PPP4R2: variants seen among roughly 807,000 people sequenced by gnomAD.
The protein encoded by PPP4R2 is protein phosphatase 4 regulatory subunit 2.
Under a neutral mutation model 47.2 loss-of-function variants are expected in PPP4R2, and 13 were observed. That is an observed-to-expected ratio of 0.28 (90% CI 0.18 to 0.44). PPP4R2 has a LOEUF of 0.44. Among genes scored for constraint, PPP4R2 ranks in the 20% least tolerant of loss-of-function variants. The pLI, the probability that PPP4R2 is intolerant of heterozygous loss-of-function variation, is 1.00. For missense variants in PPP4R2, 421 were observed against 491.2 expected (o/e 0.86, Z 1.35); for synonymous variants, 151 against 163.3 (o/e 0.92, Z 0.57).
In PPP4R2 at chr3:73,047,168, T is replaced by A; in HGVS notation, c.117-18T>A. 6.9e-7 allele frequency: 1 copy of A among 1,442,388 alleles called. No individual in the cohort carries two copies. The highest frequency in any genetic ancestry group is 9.4e-7 in the Non-Finnish European group (1 of 1,064,100). The allele number at this position is 1,442,388 out of a possible 1,614,324, so 89.3% of individuals were successfully genotyped here. A position where few individuals can be genotyped will look rare whatever the true frequency, so the allele number is the denominator to read the frequency against. On this transcript the variant is annotated intron_variant, in intron 2 of 8. Transcript: ENST00000356692. ...GAAGCTACATGGTATTATATATTTT[T>A]TAATTTTTTGCTTATAGGATTCAGT...
intron 2 of PPP4R2, among the ~76,000 whole-genome samples, chr3:73,009,202 A>C (rs1325102604): frequency 2.6e-5 from 4 of 152,200 alleles, no homozygotes; most frequent in Non-Finnish European, 5.9e-5. Context: ...TCTGTGCTGC[A>C]GCACTGTTTG....
At chr3:73,018,465 A>ATGTTATGTTATGTTATGTTT (rs1295553516) in intron 2 of PPP4R2, among the ~76,000 whole-genome samples, 1 of 88,856 alleles carries the variant, frequency 1.1e-5, no homozygotes, top group Non-Finnish European at 2.7e-5. Context: ...ATGTTATGTT[A>ATGTTATGTTATGTTATGTTT]GTATCCGAAA....
intron 2 of PPP4R2, among the ~76,000 whole-genome samples, chr3:73,030,250 A>T (rs1296921263): frequency 1.3e-5 from 2 of 152,190 alleles, no homozygotes; most frequent in Non-Finnish European, 2.9e-5. Context: ...TCAAATGGCA[A>T]ATGTGGTATA....
intron 2 of PPP4R2, among the ~76,000 whole-genome samples, chr3:73,023,094 A>G (rs948350355): frequency 2.0e-5 from 3 of 152,138 alleles, no homozygotes; most frequent in Non-Finnish European, 4.4e-5. Context: ...ACTGTTTAAG[A>G]GATTTTGCCT....
rs577152897 is a variant in PPP4R2, at chr3:73,039,827, G to A, written c.117-7359G>A. Among the ~76,000 whole-genome samples, 17 of 152,240 alleles carry A rather than the reference G, an allele frequency of 1.1e-4. 2 individuals are homozygous for A. The South Asian group carries it at 2.3e-3, about 20-fold the overall frequency. On this transcript the variant is annotated intron_variant, in intron 2 of 8. Coordinates refer to ENST00000356692, the MANE Select transcript of PPP4R2 (RefSeq NM_174907.4). Reference sequence around the variant, plus strand: ...CAGCACTTTGGGAGGCCAAGGCGGCGAATCACCTGAAGTGTCAGGAGTTTG... The same window carrying A: ...CAGCACTTTGGGAGGCCAAGGCGGCAAATCACCTGAAGTGTCAGGAGTTTG...
At chr3:73,007,272 CT>C (rs933676277) in intron 2 of PPP4R2, among the ~76,000 whole-genome samples, 21 of 151,832 alleles carry the variant, frequency 1.4e-4, no homozygotes, top group East Asian at 3.8e-4. Context: ...TTTGATTCTG[CT>C]TTTTTTTCCC....
At chr3:73,047,159 A>T (rs902014315) in intron 2 of PPP4R2, 27 bp from the exon 3 acceptor site, 2 of 1,302,194 alleles carry the variant, frequency 1.5e-6, no homozygotes, top group Admixed American at 4.6e-5. Flanking sequence ...ACATGGTATT[A>T]TATATTTTTT....
intron 2 of PPP4R2, among the ~76,000 whole-genome samples, chr3:73,000,257 G>C (rs1399895792): frequency 1.3e-5 from 2 of 152,170 alleles, no homozygotes; most frequent in Non-Finnish European, 2.9e-5. Flanking sequence ...TTGTTGGAAT[G>C]TGGGAGGTTG....
chr3:73,002,719 A>G (rs557977715), intron 2 of PPP4R2, among the ~76,000 whole-genome samples: 109 of 137,780 alleles, frequency 7.9e-4, no homozygotes, highest in Non-Finnish European at 1.3e-3. Context: ...TCGGCTCGCT[A>G]CAACCTCTGC....
chr3:73,023,277 C>A (rs545994188), intron 2 of PPP4R2, among the ~76,000 whole-genome samples: 1 of 131,782 alleles, frequency 7.6e-6, no homozygotes, highest in South Asian at 2.8e-4. Flanking sequence ...GCAACCTCTG[C>A]CTCCTGGGTT....
intron 2 of PPP4R2, among the ~76,000 whole-genome samples, chr3:73,030,506 CTG>C (rs1338646188): frequency 6.6e-6 from 1 of 151,968 alleles, no homozygotes; most frequent in African/African-American, 2.4e-5. Flanking sequence ...GGGATAATGT[CTG>C]GTAGCATTTG....
At chr3:73,050,204 A>ATC (rs1702582576) in intron 3 of PPP4R2, among the ~76,000 whole-genome samples, 1 of 152,090 alleles carries the variant, frequency 6.6e-6, no homozygotes, top group Non-Finnish European at 1.5e-5. Context: ...ACCTCAAGTA[A>ATC]TCTACCTGCC....
rs542295909 is a variant in PPP4R2, at chr3:73,034,541, TG to T, written c.117-12644del. On this transcript the variant is annotated intron_variant, in intron 2 of 8. Transcript: ENST00000356692. ...ATGAGACTGCAGCAAGCTATAGTTTTGTTTTGTTTTTTAGAGACTGTTCCTC... is the reference window on the plus strand; with the variant it reads ...ATGAGACTGCAGCAAGCTATAGTTTTTTTTGTTTTTTAGAGACTGTTCCTC... 3.4e-4 allele frequency among the ~76,000 whole-genome samples: 52 copies of T among 152,302 alleles called. 1 individual carries two copies. The South Asian group carries it at 5.2e-3, about 15-fold the overall frequency.
chr3:73,038,196 A>G (rs1420606066), intron 2 of PPP4R2, among the ~76,000 whole-genome samples: 3 of 152,124 alleles, frequency 2.0e-5, no homozygotes, highest in African/African-American at 7.2e-5. Flanking sequence ...TTCAGGGAGG[A>G]AGGTAGATCC....
intron 5 of PPP4R2, 71 bp from the exon 6 acceptor site, chr3:73,063,601 CT>C: frequency 1.2e-6 from 1 of 853,680 alleles, no homozygotes; most frequent in Admixed American, 1.9e-5. Flanking sequence ...TCCATTCCAC[CT>C]TGGGTGACAG....
chr3:73,050,351 T>G (rs1465198483), intron 3 of PPP4R2, among the ~76,000 whole-genome samples: 1 of 152,214 alleles, frequency 6.6e-6, no homozygotes, highest in Non-Finnish European at 1.5e-5. Flanking sequence ...TAATCAGTGA[T>G]ACATCAAGAT....
Position 72,998,059 on chromosome 3 carries a change from T to G in PPP4R2, c.35-18T>G. On this transcript the variant is annotated intron_variant, in intron 1 of 8. Transcript: ENST00000356692. The stretch of plus-strand genomic sequence containing the variant: ...TTTTGAGAAAACTGATAACGTTTTT[T>G]TTTCTTCCTTCATCTAGATTTTGAG... 3.8e-6 allele frequency: 6 copies of G among 1,581,314 alleles called. No homozygotes were observed. Among genetic ancestry groups the G allele is most frequent in the Non-Finnish European group, 5.2e-6 (6 of 1,155,318 alleles).
chr3:73,061,847 A>G (rs1215147077), intron 5 of PPP4R2: 10 of 427,460 alleles, frequency 2.3e-5, no homozygotes, highest in Non-Finnish European at 4.2e-5. Context: ...ACAGATGTGA[A>G]CCACCACACC....
At chr3:73,052,304 A>G (rs913892113) in intron 3 of PPP4R2, among the ~76,000 whole-genome samples, 1 of 136,656 alleles carries the variant, frequency 7.3e-6, no homozygotes, top group African/African-American at 2.8e-5. Context: ...TTAAAATTTC[A>G]TAGAAGATGG....
Sources: allele counts gnomAD v4.1 joint callset (sites outside exome capture counted in the v4.1 genomes callset), GRCh38; gene constraint gnomAD v4.1.1; transcripts MANE v1.5; gene names NCBI Gene and HGNC (gene_info 2026-07-23, HGNC 2026-07-21).